The following PTPRO variants were observed in gnomAD, a reference collection of about 807,000 sequenced individuals.
PTPRO encodes receptor-type tyrosine-protein phosphatase O.
PTPRO carries 62 observed loss-of-function variants against 145.2 expected under a neutral mutation model. That is an observed-to-expected ratio of 0.43 (90% CI 0.35 to 0.53). The LOEUF (loss-of-function observed/expected upper bound fraction) is 0.53. Ranked by LOEUF, PTPRO falls within the 20% of genes least tolerant of loss-of-function variation. The pLI, the probability that PTPRO is intolerant of heterozygous loss-of-function variation, is 0.01. For missense variants in PTPRO, 1,345 were observed against 1,482.7 expected (o/e 0.91, Z 1.53); for synonymous variants, 565 against 514.7 (o/e 1.10, Z -1.32).
chr12:15,482,667 A>C (rs539238382), intron 1 of PTPRO, among the ~76,000 whole-genome samples: 87 of 152,282 alleles, frequency 5.7e-4, no homozygotes, highest in Non-Finnish European at 9.9e-4. Flanking sequence ...GTGTCAATTA[A>C]AAATAAGAAT....
rs116693138 is a variant in PTPRO, at chr12:15,450,628, G to T, written c.76-33346G>T. Among the ~76,000 whole-genome samples, 1,153 of 152,160 alleles carry T rather than the reference G, an allele frequency of 7.6e-3. 16 individuals are homozygous for T. The highest frequency in any genetic ancestry group is 0.027 in the African/African-American group (1,102 of 41,524). Reference sequence around the variant, plus strand: ...GTCTCTACAAAAAGTACAAAAATTAGCTGGGTGTGTCGTGTGTGCCAATAT... The same window carrying T: ...GTCTCTACAAAAAGTACAAAAATTATCTGGGTGTGTCGTGTGTGCCAATAT... On this transcript the variant is annotated intron_variant, in intron 1 of 26. Transcript: ENST00000281171.
intron 1 of PTPRO, among the ~76,000 whole-genome samples, chr12:15,375,131 C>A (rs141643947): frequency 6.5e-4 from 99 of 152,302 alleles, no homozygotes; most frequent in African/African-American, 2.3e-3. Flanking sequence ...TAAGTACAGA[C>A]TTTACAGAAT....
At chr12:15,460,044 C>A (rs1299654620) in intron 1 of PTPRO, among the ~76,000 whole-genome samples, 1 of 152,160 alleles carries the variant, frequency 6.6e-6, no homozygotes, top group Non-Finnish European at 1.5e-5. Context: ...GAAGGCTTCA[C>A]ATTGGATGGA....
chr12:15,545,986 G>A (rs1250733891), intron 12 of PTPRO, among the ~76,000 whole-genome samples: 2 of 150,390 alleles, frequency 1.3e-5, no homozygotes, highest in Non-Finnish European at 2.9e-5. Flanking sequence ...CTGCACTCCA[G>A]CCTGGGTGAC....
At chr12:15,558,116 T>C (rs1376666002) in intron 16 of PTPRO, among the ~76,000 whole-genome samples, 1 of 151,938 alleles carries the variant, frequency 6.6e-6, no homozygotes, top group Non-Finnish European at 1.5e-5. Flanking sequence ...TAGATATTTG[T>C]AGAGATGAGG....
rs1263347746 is a variant in PTPRO, at chr12:15,569,451, A to G, written c.2782A>G (p.Lys928Glu). 2 of 1,613,704 alleles carry G rather than the reference A, an allele frequency of 1.2e-6. No individual in the cohort carries two copies. The highest frequency in any genetic ancestry group is 1.7e-6 in the Non-Finnish European group (2 of 1,179,784). Residue 928 changes from lysine to glutamate, a missense_variant, in exon 19 of 27, where the codon AAG becomes GAG. Lys to Glu is a moderately conservative substitution (Grantham distance 56). Around this residue, in one of 3 missense-constraint regions of PTPRO, gnomAD observed 1,130 missense variants for 1,214.7 expected, o/e 0.93. Coordinates refer to ENST00000281171, the MANE Select transcript of PTPRO (RefSeq NM_030667.3). ...ACTGGATGACTTTGATGCCTATATT[A>G]AGGATATGGCCAAAGACTCTGACTA... ...VQLDDFDAYI[K>E]DMAKDSDYKF...
chr12:15,415,010 C>T (rs1939907790), intron 1 of PTPRO, among the ~76,000 whole-genome samples: 3 of 152,108 alleles, frequency 2.0e-5, no homozygotes, highest in South Asian at 2.1e-4. Flanking sequence ...AAAATGAACT[C>T]CACCAATTGA....
intron 1 of PTPRO, among the ~76,000 whole-genome samples, chr12:15,345,442 AT>A (rs1217428222): frequency 3.3e-5 from 5 of 152,146 alleles, no homozygotes; most frequent in Non-Finnish European, 7.4e-5. Flanking sequence ...AAAAGGATGA[AT>A]TCATGTCCTT....
rs1367092078 is a variant in PTPRO, at chr12:15,359,541, T to G, written c.75+36740T>G. Reference sequence around the variant, plus strand: ...CCTTGGCCTCCCAAGTAGCTGGAACTACAGGCACCCACCACCACGCCTAGC... The same window carrying G: ...CCTTGGCCTCCCAAGTAGCTGGAACGACAGGCACCCACCACCACGCCTAGC... On this transcript the variant is annotated intron_variant, in intron 1 of 26. Coordinates refer to ENST00000281171, the MANE Select transcript of PTPRO (RefSeq NM_030667.3). Among the ~76,000 whole-genome samples, 11 of 148,686 alleles carry G rather than the reference T, an allele frequency of 7.4e-5. No homozygotes were observed. In the Admixed American group the frequency reaches 7.5e-4, roughly 10 times the overall value.
intron 4 of PTPRO, among the ~76,000 whole-genome samples, 155 bp downstream of exon 4, chr12:15,499,749 A>G (rs1351097523): frequency 6.6e-6 from 1 of 152,254 alleles, no homozygotes; most frequent in Non-Finnish European, 1.5e-5. Flanking sequence ...CAATATAAAA[A>G]GAACTGGGCA....
intron 1 of PTPRO, among the ~76,000 whole-genome samples, chr12:15,352,613 G>A (rs1214568885): frequency 7.0e-6 from 1 of 143,306 alleles, no homozygotes; most frequent in Non-Finnish European, 1.5e-5. Context: ...TCGCACCACT[G>A]CACTCCAGCC....
At chr12:15,482,916 G>A (rs1328047384) in intron 1 of PTPRO, among the ~76,000 whole-genome samples, 1 of 152,142 alleles carries the variant, frequency 6.6e-6, no homozygotes, top group Admixed American at 6.6e-5. Flanking sequence ...TAATCTTTCT[G>A]AGCCTCAGTT....
chr12:15,580,064 C>G lies in PTPRO; in HGVS notation c.2946C>G (p.Val982=), dbSNP rs1439965063. 2.5e-6 allele frequency: 4 copies of G among 1,613,068 alleles called. No individual in the cohort carries two copies. Among genetic ancestry groups the G allele is most frequent in the Non-Finnish European group, 3.4e-6 (4 of 1,179,716 alleles). ...LPYDFSRVRL[V]SMNEEEGADY... is the part of the protein sequence containing the mutation. ...ATGACTTCAGCCGTGTGAGATTAGTCTCCATGAATGAAGAGGAAGGTGCAG... is the reference window on the plus strand; with the variant it reads ...ATGACTTCAGCCGTGTGAGATTAGTGTCCATGAATGAAGAGGAAGGTGCAG... The change falls in exon 21 of 27, where the codon GTC becomes GTG. Residue 982 remains valine, a synonymous_variant. Coordinates refer to ENST00000281171, the MANE Select transcript of PTPRO (RefSeq NM_030667.3).
At chr12:15,524,733 A>G in intron 10 of PTPRO, 81 bp from the exon 11 acceptor site, 2 of 1,449,056 alleles carry the variant, frequency 1.4e-6, no homozygotes, top group Non-Finnish European at 1.9e-6. Flanking sequence ...AGTTGACTCT[A>G]TATGGGATTT....
At chr12:15,494,754 C>T (rs1336738679) in intron 2 of PTPRO, among the ~76,000 whole-genome samples, 1 of 152,144 alleles carries the variant, frequency 6.6e-6, no homozygotes, top group African/African-American at 2.4e-5. Flanking sequence ...AAAGTTTGAC[C>T]GTGGCTTTGA....
At chr12:15,567,025 G>A (rs1475947927) in intron 18 of PTPRO, among the ~76,000 whole-genome samples, 10 of 152,138 alleles carry the variant, frequency 6.6e-5, no homozygotes, top group Admixed American at 4.6e-4. Context: ...AGAAGATAGC[G>A]TCCTTGGACG....
intron 12 of PTPRO, among the ~76,000 whole-genome samples, chr12:15,527,108 C>T (rs995714947): frequency 6.6e-6 from 1 of 152,118 alleles, no homozygotes; most frequent in Non-Finnish European, 1.5e-5. Flanking sequence ...CCCCTCTACC[C>T]AACAGAAAAC....
intron 1 of PTPRO, among the ~76,000 whole-genome samples, chr12:15,418,069 A>G (rs903115935): frequency 2.0e-5 from 3 of 151,978 alleles, no homozygotes; most frequent in East Asian, 3.9e-4. Context: ...ATCACTAGGC[A>G]CACTCTTAAT....
intron 18 of PTPRO, among the ~76,000 whole-genome samples, chr12:15,565,940 C>CT (rs1175969539): frequency 1.3e-5 from 2 of 152,108 alleles, no homozygotes; most frequent in African/African-American, 2.4e-5. Context: ...ATATGAAAAT[C>CT]TAATATTTAA....
Sources: gnomAD v4.1 joint callset for allele counts (sites outside exome capture counted in the v4.1 genomes callset) on GRCh38, gnomAD v4.1.1 for gene constraint, gnomAD v4.1.1 regional missense constraint, MANE v1.5 for transcripts, NCBI Gene and HGNC (gene_info 2026-07-23, HGNC 2026-07-21) for gene names.